DLGAP1: variants seen among roughly 807,000 people sequenced by gnomAD.
The protein encoded by DLGAP1 is disks large-associated protein 1.
In DLGAP1, 11 loss-of-function variants were observed where a neutral mutation model predicts 90.8. The ratio of observed to expected loss-of-function variants is 0.12; its 90% CI spans 0.08 to 0.20. The LOEUF (loss-of-function observed/expected upper bound fraction) is 0.20. Ranked by LOEUF, DLGAP1 falls within the 10% of genes least tolerant of loss-of-function variation. The pLI, the probability that DLGAP1 is intolerant of heterozygous loss-of-function variation, is 1.00. For missense variants in DLGAP1, 1,050 were observed against 1,333.8 expected (o/e 0.79, Z 3.31); for synonymous variants, 558 against 540.7 (o/e 1.03, Z -0.44).
At chr18:4,178,100 C>T (rs2077142291) in intron 1 of DLGAP1, among the ~76,000 whole-genome samples, 1 of 151,888 alleles carries the variant, frequency 6.6e-6, no homozygotes, top group African/African-American at 2.4e-5. Flanking sequence ...TATTGAATTC[C>T]ATTCAAGTAT....
At chr18:4,391,786 C>G (rs2082346407) in intron 1 of DLGAP1, among the ~76,000 whole-genome samples, 1 of 152,174 alleles carries the variant, frequency 6.6e-6, no homozygotes, top group Non-Finnish European at 1.5e-5. Flanking sequence ...ACATTTACCT[C>G]ATGGGAGCCT....
intron 1 of DLGAP1, among the ~76,000 whole-genome samples, chr18:4,451,278 T>C (rs780065687): frequency 2.6e-5 from 4 of 152,208 alleles, no homozygotes; most frequent in Non-Finnish European, 5.9e-5. Context: ...CCTTTTTAAC[T>C]GCCTTATAAT....
intron 1 of DLGAP1, among the ~76,000 whole-genome samples, chr18:4,374,894 T>C (rs1467880251): frequency 1.3e-5 from 2 of 152,032 alleles, no homozygotes; most frequent in East Asian, 3.9e-4. Flanking sequence ...TTTAAATATA[T>C]CTACTAGATT....
chr18:3,699,606 C>G (rs1164550354), intron 7 of DLGAP1, among the ~76,000 whole-genome samples: 1 of 152,114 alleles, frequency 6.6e-6, no homozygotes. Flanking sequence ...AGTCAGGAGG[C>G]ATGGGGGTCA....
chr18:3,919,119 C>A (rs2072211800), intron 3 of DLGAP1, among the ~76,000 whole-genome samples: 1 of 152,310 alleles, frequency 6.6e-6, no homozygotes, highest in African/African-American at 2.4e-5. Context: ...AAAGATTGGT[C>A]AAATGGCTTT....
chr18:3,503,431 A>G (rs1347118981), intron 11 of DLGAP1, among the ~76,000 whole-genome samples: 1 of 152,238 alleles, frequency 6.6e-6, no homozygotes, highest in Non-Finnish European at 1.5e-5. Flanking sequence ...CAGAACATAT[A>G]AACCTGAATT....
chr18:4,233,131 A>G (rs562255969), intron 1 of DLGAP1, among the ~76,000 whole-genome samples: 2 of 152,166 alleles, frequency 1.3e-5, no homozygotes, highest in African/African-American at 4.8e-5. Flanking sequence ...AACATTCTAC[A>G]TGATCAAATC....
intron 5 of DLGAP1, among the ~76,000 whole-genome samples, chr18:3,743,389 G>C (rs940538813): frequency 6.6e-6 from 1 of 151,042 alleles, no homozygotes; most frequent in Non-Finnish European, 1.5e-5. Flanking sequence ...GAGTCTTGCT[G>C]TGTCACCCAG....
At chr18:4,402,489 A>G (rs2082575966) in intron 1 of DLGAP1, among the ~76,000 whole-genome samples, 1 of 152,202 alleles carries the variant, frequency 6.6e-6, no homozygotes, top group Non-Finnish European at 1.5e-5. Context: ...CAAGAAAACT[A>G]TGGGAAGCAG....
intron 1 of DLGAP1, among the ~76,000 whole-genome samples, chr18:4,239,722 A>C (rs1300849206): frequency 1.3e-5 from 2 of 152,196 alleles, no homozygotes; most frequent in African/African-American, 4.8e-5. Context: ...AAATCAAACT[A>C]TACAGGCCTC....
chr18:3,652,176 A>AG (rs1337152262), intron 7 of DLGAP1, among the ~76,000 whole-genome samples: 2 of 149,526 alleles, frequency 1.3e-5, no homozygotes, highest in African/African-American at 2.5e-5. Flanking sequence ...AAAAAAAAAA[A>AG]AAAAGAAAAG....
intron 7 of DLGAP1, among the ~76,000 whole-genome samples, chr18:3,686,446 GATA>G (rs564735165): frequency 4.1e-4 from 62 of 152,236 alleles, no homozygotes; most frequent in Admixed American, 1.3e-3. Flanking sequence ...TGTTGGTTAT[GATA>G]ATAATAAATA....
intron 1 of DLGAP1, among the ~76,000 whole-genome samples, chr18:4,393,985 G>A (rs7238425): frequency 0.013 from 1,959 of 152,238 alleles, 56 homozygotes; most frequent in African/African-American, 0.045. Context: ...CCTGCTGTGC[G>A]GCCAGGTTCC....
rs901761612 is a variant in DLGAP1, at chr18:3,855,636, C to T, written c.957+23476G>A. 7.9e-5 allele frequency among the ~76,000 whole-genome samples: 12 copies of T among 152,066 alleles called. 1 individual carries two copies. Among genetic ancestry groups the T allele is most frequent in the East Asian group, 3.9e-4 (2 of 5,178 alleles). ...ATTAATTAATTTATTTATTTTGAGA[C>T]GGAGTCTCACTCTGTCATCCAGGCT... On this transcript the variant is annotated intron_variant, in intron 4 of 12. Coordinates refer to ENST00000315677, the MANE Select transcript of DLGAP1 (RefSeq NM_004746.4).
At chr18:3,808,073 T>C (rs996731221) in intron 5 of DLGAP1, among the ~76,000 whole-genome samples, 6 of 152,224 alleles carry the variant, frequency 3.9e-5, no homozygotes, top group Non-Finnish European at 7.3e-5. Flanking sequence ...CTAGGAGTGG[T>C]GATCTGGGAC....
intron 12 of DLGAP1, among the ~76,000 whole-genome samples, chr18:3,501,807 C>T (rs11873463): frequency 2.6e-5 from 4 of 152,044 alleles, no homozygotes; most frequent in African/African-American, 7.2e-5. Flanking sequence ...GTGTGAGCCT[C>T]GTGGAACACC....
intron 1 of DLGAP1, among the ~76,000 whole-genome samples, chr18:4,403,263 A>T (rs1299747399): frequency 1.3e-5 from 2 of 152,160 alleles, no homozygotes; most frequent in Non-Finnish European, 2.9e-5. Context: ...CAAGTACTGA[A>T]GTTCCACCAA....
rs2081206126 is a variant in DLGAP1, at chr18:4,342,238, C to T, written c.-267+112768G>A. Among the ~76,000 whole-genome samples the T allele has an allele frequency of 6.6e-6, 1 of 152,076 alleles. No homozygotes were observed. The highest frequency in any genetic ancestry group is 2.4e-5 in the African/African-American group (1 of 41,398). On this transcript the variant is annotated intron_variant, in intron 1 of 12. Transcript: ENST00000315677. The surrounding 1 kb of genome is among the most constrained non-coding windows in gnomAD (Gnocchi z 5.8). ...GAAATGGTAACCCTGGGATCACCTA[C>T]AACAGAGCCCCTGAACTTGATTCTG...
At chr18:4,432,338 T>G (rs984920800) in intron 1 of DLGAP1, among the ~76,000 whole-genome samples, 4 of 152,278 alleles carry the variant, frequency 2.6e-5, no homozygotes, top group Non-Finnish European at 5.9e-5. Flanking sequence ...AAACATAGGT[T>G]TTATAAATGC....
Sources: allele counts gnomAD v4.1 joint callset (sites outside exome capture counted in the v4.1 genomes callset), GRCh38; gene constraint gnomAD v4.1.1; non-coding constraint Gnocchi (gnomAD v3.1); transcripts MANE v1.5; gene names NCBI Gene and HGNC (gene_info 2026-07-23, HGNC 2026-07-21).